The following ARID5B variants were observed in gnomAD, a reference collection of about 807,000 sequenced individuals.
The protein encoded by ARID5B is AT-rich interactive domain-containing protein 5B.
In ARID5B, 13 loss-of-function variants were observed where a neutral mutation model predicts 97.2. The observed-to-expected ratio is 0.13, with a 90% confidence interval of 0.09 to 0.21. The LOEUF is 0.21. Among genes scored for constraint, ARID5B ranks in the 10% least tolerant of loss-of-function variants. The probability of loss-of-function intolerance (pLI) is 1.00; values close to 1 mark genes in which losing one functional copy is unlikely to be tolerated. For synonymous variants in ARID5B, 556 were observed against 570.3 expected (o/e 0.97, Z 0.36); for missense variants, 1,210 against 1,465.3 (o/e 0.83, Z 2.84).
rs1348023687 is a variant in ARID5B, at chr10:62,096,376, G to T, written c.*3346G>T. ...TTATCGTCCCACAAAGTCACATTTG[G>T]TGGTGGTCAGCCAAGTCGCATCTGG... On this transcript the variant is annotated 3_prime_UTR_variant, in exon 10 of 10. Coordinates refer to ENST00000279873, the MANE Select transcript of ARID5B (RefSeq NM_032199.3). 4.3e-6 allele frequency: 1 copy of T among 233,492 alleles called. No homozygotes were observed. The highest frequency in any genetic ancestry group is 5.6e-5 in the Admixed American group (1 of 17,778). 14.5% of individuals were successfully genotyped at this position (233,492 alleles called of 1,614,324 possible). A position where few individuals can be genotyped will look rare whatever the true frequency, so the allele number is the denominator to read the frequency against.
chr10:62,074,145 G>A (rs1840098522), intron 8 of ARID5B, among the ~76,000 whole-genome samples: 1 of 152,130 alleles, frequency 6.6e-6, no homozygotes, highest in African/African-American at 2.4e-5. Flanking sequence ...AAATTACATG[G>A]TCTGTTTCTG....
At chr10:61,938,150 G>T (rs1476351886) in intron 2 of ARID5B, among the ~76,000 whole-genome samples, 1 of 152,106 alleles carries the variant, frequency 6.6e-6, no homozygotes, top group Non-Finnish European at 1.5e-5. Flanking sequence ...TAAAAGATGG[G>T]TTTATTCATT....
intron 8 of ARID5B, among the ~76,000 whole-genome samples, chr10:62,082,088 AG>A (rs1840220950): frequency 1.3e-5 from 2 of 152,108 alleles, no homozygotes; most frequent in Admixed American, 1.3e-4. Context: ...TGATAGCAAA[AG>A]GCCCCCCTAC....
intron 4 of ARID5B, chr10:62,025,218 ATTATAT>A (rs1277203323): frequency 2.0e-5 from 3 of 152,202 alleles, no homozygotes; most frequent in African/African-American, 7.2e-5. Context: ...ATCACATAAA[ATTATAT>A]TTAATGAGAT....
intron 9 of ARID5B, among the ~76,000 whole-genome samples, chr10:62,088,154 A>C (rs529830615): frequency 4.2e-4 from 64 of 152,256 alleles, no homozygotes; most frequent in African/African-American, 1.5e-3. Context: ...GGTGTGAGCC[A>C]CCGTCCCTGG....
At chr10:61,927,831 T>A (rs1844133845) in intron 2 of ARID5B, among the ~76,000 whole-genome samples, 1 of 152,206 alleles carries the variant, frequency 6.6e-6, no homozygotes, top group Admixed American at 6.5e-5. Flanking sequence ...TAATACCGCA[T>A]GAAAGAAACG....
At chr10:62,037,203 G>T (rs1182813392) in intron 4 of ARID5B, among the ~76,000 whole-genome samples, 4 of 152,146 alleles carry the variant, frequency 2.6e-5, no homozygotes, top group Non-Finnish European at 4.4e-5. Flanking sequence ...GTTGCAAGAG[G>T]CTGTCACCTA....
rs1269387247 is a variant in ARID5B at position 62,004,138 on chromosome 10, G to A, written c.733+3817G>A. Among the ~76,000 whole-genome samples, 9 of 152,306 alleles carry A rather than the reference G, an allele frequency of 5.9e-5. No homozygotes were observed. In the East Asian group the frequency reaches 1.5e-3, roughly 26 times the overall value. ...TTAACTATCCTCCTTACTTGGGAAA[G>A]GTTATTTTAGGCTTGAAGGGTTTTG... On this transcript the variant is annotated intron_variant, in intron 4 of 9. Coordinates refer to ENST00000279873, the MANE Select transcript of ARID5B (RefSeq NM_032199.3).
Position 62,000,324 on chromosome 10 carries a change from G to T in ARID5B, c.733+3G>T. 6.3e-7 allele frequency: 1 copy of T among 1,579,724 alleles called. No individual in the cohort carries two copies. Among genetic ancestry groups the T allele is most frequent in the South Asian group, 1.1e-5 (1 of 87,058 alleles). On this transcript the variant is annotated splice_donor_region_variant and intron_variant, in intron 4 of 9. Coordinates refer to ENST00000279873, the MANE Select transcript of ARID5B (RefSeq NM_032199.3). This position sits in a 1 kb window ranked among gnomAD's most constrained non-coding sequence, Gnocchi z 4.4. Reference sequence around the variant, plus strand: ...CGAGAGTATATGCGATGAGTTTGGTGAGTCTTTTTTTTTTTTTCCTACCTG... The same window carrying T: ...CGAGAGTATATGCGATGAGTTTGGTTAGTCTTTTTTTTTTTTTCCTACCTG...
intron 4 of ARID5B, among the ~76,000 whole-genome samples, chr10:62,030,411 G>A (rs1193735605): frequency 1.3e-5 from 2 of 152,102 alleles, no homozygotes; most frequent in African/African-American, 2.4e-5. Flanking sequence ...GATTACAGGC[G>A]TGAGCCACCA....
intron 5 of ARID5B, among the ~76,000 whole-genome samples, chr10:62,054,178 C>A (rs1197913477): frequency 1.7e-4 from 26 of 152,154 alleles, no homozygotes; most frequent in Non-Finnish European, 2.9e-5. Context: ...TCAGGAAAAA[C>A]AGATCTAGTA....
intron 3 of ARID5B, among the ~76,000 whole-genome samples, chr10:61,990,050 A>T (rs1030993607): frequency 6.6e-6 from 1 of 152,150 alleles, no homozygotes; most frequent in Non-Finnish European, 1.5e-5. Context: ...ATCCCTATGT[A>T]GGTTCCCTTT....
At chr10:62,025,418 G>C (rs2132896507) in intron 4 of ARID5B, 1 of 152,298 alleles carries the variant, frequency 6.6e-6, no homozygotes, top group Admixed American at 6.5e-5. Flanking sequence ...TGGAGACGGG[G>C]AGATGTGGGG....
intron 2 of ARID5B, among the ~76,000 whole-genome samples, chr10:61,904,890 TG>T (rs1564596735): frequency 6.6e-6 from 1 of 152,218 alleles, no homozygotes; most frequent in East Asian, 1.9e-4. Context: ...TCCACCCTGG[TG>T]ATGTCATTTC....
At chr10:62,013,734 T>A (rs1017238156) in intron 4 of ARID5B, among the ~76,000 whole-genome samples, 5 of 151,530 alleles carry the variant, frequency 3.3e-5, no homozygotes, top group African/African-American at 7.3e-5. Context: ...GGTTCTTTCA[T>A]GTTGTTGCAA....
chr10:61,932,757 C>T (rs1844233666), intron 2 of ARID5B, among the ~76,000 whole-genome samples: 1 of 151,992 alleles, frequency 6.6e-6, no homozygotes, highest in South Asian at 2.1e-4. Flanking sequence ...TGGAGTCAAC[C>T]CTCTCAAACC....
intron 8 of ARID5B, among the ~76,000 whole-genome samples, chr10:62,075,834 C>T (rs1840124873): frequency 6.6e-6 from 1 of 152,204 alleles, no homozygotes; most frequent in Non-Finnish European, 1.5e-5. Flanking sequence ...TTGGAATGGG[C>T]AAGAAGCCCT....
At chr10:62,073,451 G>A (rs1486336882) in intron 8 of ARID5B, among the ~76,000 whole-genome samples, 1 of 152,162 alleles carries the variant, frequency 6.6e-6, no homozygotes, top group Non-Finnish European at 1.5e-5. Context: ...AAGAATCAAT[G>A]GGTGTTTTTA....
At position 61,936,879 on chromosome 10, in the gene ARID5B, T is replaced by G. The variant is rs534393650; in HGVS notation, c.277-3304T>G. ...AAAAAAAAAAGAAAGAAAAAAAAAC[T>G]TTGAAGTACAAGGAGGCTGAAGAAG... is the stretch of plus-strand genomic sequence containing the variant. On this transcript the variant is annotated intron_variant, in intron 2 of 9. Transcript: ENST00000279873. 7.4e-5 allele frequency among the ~76,000 whole-genome samples: 11 copies of G among 147,766 alleles called. No homozygotes were observed. The South Asian group carries it at 8.4e-4, about 11-fold the overall frequency.
Sources: gnomAD v4.1 joint callset for allele counts (sites outside exome capture counted in the v4.1 genomes callset) on GRCh38, gnomAD v4.1.1 for gene constraint, Gnocchi (gnomAD v3.1) non-coding constraint, MANE v1.5 for transcripts, NCBI Gene and HGNC (gene_info 2026-07-23, HGNC 2026-07-21) for gene names.